NTN1: variants seen among roughly 807,000 people sequenced by gnomAD.
NTN1 encodes netrin 1, also known as netrin-1.
In NTN1, 11 loss-of-function variants were observed where a neutral mutation model predicts 54.2. The observed-to-expected ratio is 0.20, with a 90% confidence interval of 0.13 to 0.34. The LOEUF (loss-of-function observed/expected upper bound fraction) is 0.34, where lower values mean the gene tolerates loss of function less well. NTN1 is among the 10% of genes least tolerant of loss of function. The probability of loss-of-function intolerance (pLI) is 1.00; values close to 1 mark genes in which losing one functional copy is unlikely to be tolerated. For missense variants in NTN1, 740 were observed against 893.1 expected, an observed-to-expected ratio of 0.83 and a Z score of 2.18; for synonymous variants, 371 against 382.0, an observed-to-expected ratio of 0.97 and a Z score of 0.33.
At chr17:9,007,956 C>A in the NTN1 span, among the ~76,000 whole-genome samples, 2 of 151,918 alleles carry the variant, frequency 1.3e-5, no homozygotes, top group African/African-American at 4.8e-5. Flanking sequence ...GTTGTCCAGG[C>A]TGGTCTCAAA....
intron 2 of NTN1, among the ~76,000 whole-genome samples, chr17:9,100,148 C>G (rs1156306132): frequency 6.7e-6 from 1 of 149,432 alleles, no homozygotes; most frequent in Non-Finnish European, 1.5e-5. Flanking sequence ...TTCGAAACAT[C>G]TTGCTTGATG....
At chr17:9,127,174 A>G (rs1413854132) in intron 2 of NTN1, among the ~76,000 whole-genome samples, 2 of 151,880 alleles carry the variant, frequency 1.3e-5, no homozygotes, top group Non-Finnish European at 2.9e-5. Context: ...CTATGTTTTA[A>G]TAAGATTGTC....
chr17:9,055,473 C>G (rs1325558675), intron 2 of NTN1, among the ~76,000 whole-genome samples: 1 of 152,148 alleles, frequency 6.6e-6, no homozygotes, highest in African/African-American at 2.4e-5. Context: ...GACAAGGCAC[C>G]AGGTGAGGCC....
intron 2 of NTN1, among the ~76,000 whole-genome samples, chr17:9,057,493 C>T: frequency 6.6e-6 from 1 of 152,146 alleles, no homozygotes; most frequent in Non-Finnish European, 1.5e-5. Context: ...GTTGTGTGAC[C>T]TGCCTGCCTC....
At chr17:9,121,317 C>T (rs1412151090) in intron 2 of NTN1, among the ~76,000 whole-genome samples, 1 of 152,122 alleles carries the variant, frequency 6.6e-6, no homozygotes, top group Non-Finnish European at 1.5e-5. Flanking sequence ...CGGCCGCTCC[C>T]TCTCCTTGAT....
At chr17:9,138,366 C>T (rs1219474390) in intron 2 of NTN1, among the ~76,000 whole-genome samples, 7 of 152,226 alleles carry the variant, frequency 4.6e-5, no homozygotes, top group East Asian at 1.9e-4. Context: ...CACGTGTCTG[C>T]GATGTTCTCA....
intron 1 of NTN1, among the ~76,000 whole-genome samples, chr17:9,021,832 G>T (rs1055718196): frequency 4.0e-4 from 61 of 152,250 alleles, no homozygotes; most frequent in Non-Finnish European, 7.1e-4. Context: ...CCCCGGAGGG[G>T]CCAGGCAAAC....
the NTN1 span, among the ~76,000 whole-genome samples, chr17:9,014,152 A>G: frequency 6.6e-6 from 1 of 152,116 alleles, no homozygotes; most frequent in African/African-American, 2.4e-5. Context: ...AACGCTTCCC[A>G]CTAGATTGGC....
intron 2 of NTN1, among the ~76,000 whole-genome samples, chr17:9,038,203 A>G (rs1027040759): frequency 1.7e-5 from 2 of 116,344 alleles, no homozygotes; most frequent in East Asian, 2.5e-4. Context: ...ATTTGTGTCT[A>G]TCGGACTCTC....
chr17:9,098,631 A>G (rs1431595433), intron 2 of NTN1, among the ~76,000 whole-genome samples: 7 of 152,112 alleles, frequency 4.6e-5, no homozygotes. Context: ...CTATGGGAGG[A>G]TGCTGGGTGT....
the NTN1 span, among the ~76,000 whole-genome samples, chr17:9,016,137 C>T: frequency 2.6e-5 from 4 of 152,082 alleles, no homozygotes; most frequent in East Asian, 1.9e-4. Flanking sequence ...CAGAACCACA[C>T]GGCTGTCCCA....
At chr17:9,015,111 AT>A in the NTN1 span, among the ~76,000 whole-genome samples, 8 of 152,214 alleles carry the variant, frequency 5.3e-5, no homozygotes, top group Admixed American at 5.2e-4. Flanking sequence ...ATAATGCTTG[AT>A]TTAAAAAGGA....
chr17:9,149,186 C>T (rs1168713811), intron 2 of NTN1, among the ~76,000 whole-genome samples: 2 of 152,062 alleles, frequency 1.3e-5, no homozygotes, highest in Admixed American at 6.6e-5. Flanking sequence ...AATCAGCCCT[C>T]ATATGTCCAT....
chr17:9,015,672 G>T, the NTN1 span, among the ~76,000 whole-genome samples: 4 of 152,048 alleles, frequency 2.6e-5, no homozygotes, highest in African/African-American at 9.7e-5. Context: ...CAGAGGTGCT[G>T]TCCTTCTTCC....
chr17:9,065,615 A>G lies in NTN1; in HGVS notation c.1018+42224A>G, dbSNP rs374059797. On this transcript the variant is annotated intron_variant, in intron 2 of 6. Coordinates refer to ENST00000173229, the MANE Select transcript of NTN1 (RefSeq NM_004822.3). ...TGTGAACGCCACCAGGGCAAGCACC[A>G]AGTCTGCTTTGCGATGCCGTGCCCC... Among the ~76,000 whole-genome samples, 45 of 152,348 alleles carry G rather than the reference A, an allele frequency of 3.0e-4. 2 individuals carry two copies. In the East Asian group the frequency reaches 8.1e-3, roughly 27 times the overall value.
chr17:9,008,532 A>T, the NTN1 span, among the ~76,000 whole-genome samples: 1 of 152,094 alleles, frequency 6.6e-6, no homozygotes. Flanking sequence ...CGTGTTGGCC[A>T]GGCTGGTCTC....
At chr17:9,208,415 T>C (rs1384276551) in intron 5 of NTN1, among the ~76,000 whole-genome samples, 1 of 152,148 alleles carries the variant, frequency 6.6e-6, no homozygotes, top group East Asian at 1.9e-4. Context: ...GTCCAGAGTG[T>C]ATGTGCCAGT....
At chr17:9,086,833 AT>A (rs2142229151) in intron 2 of NTN1, among the ~76,000 whole-genome samples, 1 of 152,198 alleles carries the variant, frequency 6.6e-6, no homozygotes, top group African/African-American at 2.4e-5. Context: ...CGTTGCTGTC[AT>A]CATCACCATT....
chr17:9,049,690 A>G (rs1325026348), intron 2 of NTN1, among the ~76,000 whole-genome samples: 1 of 152,224 alleles, frequency 6.6e-6, no homozygotes, highest in African/African-American at 2.4e-5. Context: ...ACTGGAGGAG[A>G]CTAAGGAGAC....
Sources: gnomAD v4.1 joint callset for allele counts (sites outside exome capture counted in the v4.1 genomes callset) on GRCh38, gnomAD v4.1.1 for gene constraint, MANE v1.5 for transcripts, NCBI Gene and HGNC (gene_info 2026-07-23, HGNC 2026-07-21) for gene names.